The following HIVEP1 variants were observed in gnomAD, a reference collection of about 807,000 sequenced individuals.
The protein encoded by HIVEP1 is zinc finger protein 40.
A neutral mutation model predicts 180.0 loss-of-function variants in HIVEP1; 36 were observed. That is an observed-to-expected ratio of 0.20 (90% CI 0.15 to 0.26). The LOEUF is 0.26. HIVEP1 is among the 10% of genes least tolerant of loss of function. The probability of loss-of-function intolerance (pLI) is 1.00; values close to 1 mark genes in which losing one functional copy is unlikely to be tolerated. For missense variants in HIVEP1, 3,143 were observed against 3,268.7 expected (o/e 0.96, Z 0.94); for synonymous variants, 1,239 against 1,239.0 (o/e 1.00, Z 0.00).
At chr6:12,096,967 A>AGAAG (rs1231318273) in intron 3 of HIVEP1, among the ~76,000 whole-genome samples, 3 of 152,108 alleles carry the variant, frequency 2.0e-5, no homozygotes, top group Non-Finnish European at 4.4e-5. Context: ...GGCTTACCTT[A>AGAAG]GAAGGGTATT....
the HIVEP1 span, among the ~76,000 whole-genome samples, chr6:12,176,552 G>A: frequency 1.3e-5 from 2 of 152,038 alleles, no homozygotes; most frequent in Non-Finnish European, 2.9e-5. Flanking sequence ...ATGTTTTTAG[G>A]AGCCGTTGGA....
In HIVEP1 at chr6:12,121,787, T is replaced by C. The variant is rs1757695938; in HGVS notation, c.1992T>C (p.Ser664=). The C allele has an allele frequency of 6.2e-7, 1 of 1,613,936 alleles. No individual in the cohort carries two copies. Among genetic ancestry groups the C allele is most frequent in the African/African-American group, 1.3e-5 (1 of 74,876 alleles). The part of the protein sequence containing the change: ...YSQEQQGKLL[S]PRSLGSTDSG... Reference sequence around the variant, plus strand: ...AAGAGCAGCAAGGAAAGCTCCTGAGTCCTCGAAGTTTAGGAAGTACGGATT... The same window carrying C: ...AAGAGCAGCAAGGAAAGCTCCTGAGCCCTCGAAGTTTAGGAAGTACGGATT... The change falls in exon 4 of 9, where the codon AGT becomes AGC. Residue 664 remains serine, a synonymous_variant. Transcript: ENST00000379388. This position sits in a 1 kb window ranked among gnomAD's most constrained non-coding sequence, Gnocchi z 5.3.
rs760371380 is a variant in HIVEP1 at position 12,124,641 on chromosome 6, C to T, written c.4846C>T (p.Leu1616=). Residue 1616 remains leucine (L), a synonymous_variant, in exon 4 of 9, where the codon CTA becomes TTA. Transcript: ENST00000379388. ...CAGCATGTCTAATTCGCATCCTCTGCTACCACCAGAGCTCAGGCCCCTTGG... is the reference window on the plus strand; with the variant it reads ...CAGCATGTCTAATTCGCATCCTCTGTTACCACCAGAGCTCAGGCCCCTTGG... ...IDSMSNSHPL[L]PPELRPLGSQ... 6.2e-7 allele frequency: 1 copy of T among 1,614,144 alleles called. No homozygotes were observed. Among genetic ancestry groups the T allele is most frequent in the Non-Finnish European group, 8.5e-7 (1 of 1,179,966 alleles).
chr6:12,204,576 T>A, the HIVEP1 span, among the ~76,000 whole-genome samples: 8 of 152,200 alleles, frequency 5.3e-5, no homozygotes, highest in African/African-American at 1.9e-4. Context: ...TAACTTCTGG[T>A]TTCCACACTA....
chr6:12,067,969 C>T (rs1771708301), intron 2 of HIVEP1, among the ~76,000 whole-genome samples: 1 of 152,150 alleles, frequency 6.6e-6, no homozygotes, highest in African/African-American at 2.4e-5. Context: ...TTTCTCCCCT[C>T]TAAGACCTAC....
intron 2 of HIVEP1, among the ~76,000 whole-genome samples, chr6:12,066,724 C>T (rs897377608): frequency 2.6e-5 from 4 of 152,032 alleles, no homozygotes; most frequent in South Asian, 2.1e-4. Context: ...AATATTTGTT[C>T]GGAACCACTT....
intron 3 of HIVEP1, among the ~76,000 whole-genome samples, chr6:12,110,132 T>C (rs1015981640): frequency 6.6e-6 from 1 of 152,272 alleles, no homozygotes; most frequent in Non-Finnish European, 1.5e-5. Context: ...TATAAACAGA[T>C]GTGCTGTCAT....
chr6:12,136,232 A>G (rs1477480755), intron 7 of HIVEP1, among the ~76,000 whole-genome samples: 1 of 151,518 alleles, frequency 6.6e-6, no homozygotes, highest in African/African-American at 2.4e-5. Context: ...CTACTTCTCT[A>G]CCCTTCTCAT....
chr6:12,176,378 C>T, the HIVEP1 span, among the ~76,000 whole-genome samples: 2 of 151,922 alleles, frequency 1.3e-5, no homozygotes, highest in South Asian at 2.1e-4. Context: ...ATTACAGGCG[C>T]CTGCCATCAT....
In HIVEP1 at chr6:12,129,765, T is replaced by A. The variant is rs1561982240; in HGVS notation, c.6082T>A (p.Leu2028Ile). ...KWKSSLSKRALGNQKSTVVEF... is the reference protein window; with the variant it reads ...KWKSSLSKRAIGNQKSTVVEF... ...CTCTCTTTTTTCCTTTCAGAGAGCATTAGGTAATCAAAAGTCCACAGTAGT... is the reference window on the plus strand; with the variant it reads ...CTCTCTTTTTTCCTTTCAGAGAGCAATAGGTAATCAAAAGTCCACAGTAGT... Residue 2028 changes from leucine (L) to isoleucine (I), a missense_variant, in exon 5 of 9, where the codon TTA becomes ATA. Physicochemically the swap from Leu to Ile is conservative, Grantham distance 5. Transcript: ENST00000379388. The A allele has an allele frequency of 6.2e-7, 1 of 1,601,894 alleles. No homozygotes were observed. Among genetic ancestry groups the A allele is most frequent in the East Asian group, 2.2e-5 (1 of 44,700 alleles).
intron 2 of HIVEP1, among the ~76,000 whole-genome samples, chr6:12,044,558 C>G (rs62395288): frequency 1.5e-5 from 2 of 136,188 alleles, no homozygotes; most frequent in African/African-American, 5.6e-5. Context: ...GCTGAGGGCT[C>G]ACTGTGCCCC....
intron 2 of HIVEP1, among the ~76,000 whole-genome samples, chr6:12,060,097 C>G (rs898676467): frequency 2.0e-5 from 3 of 152,080 alleles, no homozygotes; most frequent in African/African-American, 7.2e-5. Flanking sequence ...TATCTTGTTC[C>G]AAGCTATTTC....
At chr6:12,022,537 C>T (rs1322656963) in intron 2 of HIVEP1, among the ~76,000 whole-genome samples, 1 of 152,154 alleles carries the variant, frequency 6.6e-6, no homozygotes, top group African/African-American at 2.4e-5. Context: ...AGAGTTTGGC[C>T]TCATGCAGTC....
the HIVEP1 span, among the ~76,000 whole-genome samples, chr6:12,209,264 T>C: frequency 6.6e-6 from 1 of 152,174 alleles, no homozygotes; most frequent in Non-Finnish European, 1.5e-5. Context: ...AAACCCTGTC[T>C]CTACTAAAAA....
chr6:12,077,874 T>C (rs1772476340), intron 2 of HIVEP1, among the ~76,000 whole-genome samples: 1 of 152,212 alleles, frequency 6.6e-6, no homozygotes, highest in African/African-American at 2.4e-5. Flanking sequence ...TAAATCTTCA[T>C]CCTTTCCTTT....
At chr6:12,141,347 GCCTTACGAGAGTT>G (rs1464692208) in intron 7 of HIVEP1, among the ~76,000 whole-genome samples, 1 of 152,036 alleles carries the variant, frequency 6.6e-6, no homozygotes, top group African/African-American at 2.4e-5. Flanking sequence ...CACCAGACCT[GCCTTACGAGAGTT>G]CCTGAAGGAA....
chr6:12,073,165 C>G (rs80065248), intron 2 of HIVEP1, among the ~76,000 whole-genome samples: 1 of 152,086 alleles, frequency 6.6e-6, no homozygotes, highest in African/African-American at 2.4e-5. Context: ...TAGAGTAGGT[C>G]TGTTGAGTTG....
At chr6:12,204,880 A>G in the HIVEP1 span, among the ~76,000 whole-genome samples, 1 of 152,210 alleles carries the variant, frequency 6.6e-6, no homozygotes, top group African/African-American at 2.4e-5. Context: ...GTATGACATC[A>G]GGAGGTAATC....
rs758886937 is a variant in HIVEP1, at chr6:12,163,740, A to G, written c.7436A>G (p.Asn2479Ser). The change falls in exon 9 of 9, where the codon AAC becomes AGC. Residue 2479 changes from asparagine (N) to serine (S), a missense_variant. Transcript: ENST00000379388. ...IGQIRVPGLQ[N>S]LSTPGLQSLP... ...CAAATCCGCGTGCCAGGCCTTCAGA[A>G]CCTAAGTACCCCAGGCTTGCAGTCA... The G allele has an allele frequency of 6.2e-7, 1 of 1,614,060 alleles. No homozygotes were observed. Among genetic ancestry groups the G allele is most frequent in the South Asian group, 1.1e-5 (1 of 91,080 alleles).
Sources: gnomAD v4.1 joint callset for allele counts (sites outside exome capture counted in the v4.1 genomes callset) on GRCh38, gnomAD v4.1.1 for gene constraint, Gnocchi (gnomAD v3.1) non-coding constraint, MANE v1.5 for transcripts, NCBI Gene and HGNC (gene_info 2026-07-23, HGNC 2026-07-21) for gene names.